MTHFD2L: variants seen among roughly 807,000 people sequenced by gnomAD.
MTHFD2L encodes the protein bifunctional methylenetetrahydrofolate dehydrogenase/cyclohydrolase 2, mitochondrial.
MTHFD2L carries 29 observed loss-of-function variants against 34.9 expected under a neutral mutation model. The observed-to-expected ratio is 0.83, with a 90% CI of 0.62 to 1.13. The LOEUF is 1.13. MTHFD2L is among the 50% of genes most tolerant of loss of function. MTHFD2L has a pLI of 0.00. For missense variants in MTHFD2L, 481 were observed against 446.5 expected, an observed-to-expected ratio of 1.08 and a Z score of -0.70; for synonymous variants, 167 against 155.7, an observed-to-expected ratio of 1.07 and a Z score of -0.54.
intron 7 of MTHFD2L, among the ~76,000 whole-genome samples, chr4:74,298,357 A>T (rs1475342247): frequency 6.6e-6 from 1 of 152,086 alleles, no homozygotes; most frequent in Non-Finnish European, 1.5e-5. Context: ...ATGAAAACTG[A>T]TAGGCAGGAC....
chr4:74,251,567 C>G (rs1378605292), intron 6 of MTHFD2L, among the ~76,000 whole-genome samples: 1 of 152,124 alleles, frequency 6.6e-6, no homozygotes, highest in African/African-American at 2.4e-5. Context: ...TTTTTTCACT[C>G]ATTCACCTGA....
At chr4:74,240,261 A>C (rs1252836790) in intron 6 of MTHFD2L, among the ~76,000 whole-genome samples, 1 of 152,228 alleles carries the variant, frequency 6.6e-6, no homozygotes, top group Non-Finnish European at 1.5e-5. Flanking sequence ...AAATTTCTAC[A>C]AATACAAATA....
At chr4:74,174,318 G>A (rs896704021) in intron 1 of MTHFD2L, among the ~76,000 whole-genome samples, 188 bp from the exon 2 acceptor site, 2 of 152,022 alleles carry the variant, frequency 1.3e-5, no homozygotes, top group Non-Finnish European at 2.9e-5. Context: ...AAATAACAGA[G>A]TTGGAATCCT....
chr4:74,245,022 G>A (rs931120235), intron 6 of MTHFD2L, among the ~76,000 whole-genome samples: 4 of 151,698 alleles, frequency 2.6e-5, no homozygotes, highest in African/African-American at 7.3e-5. Context: ...GTGAAACCCC[G>A]TCTCTACTAA....
chr4:74,123,700 G>A (rs1435108515), upstream of MTHFD2L, among the ~76,000 whole-genome samples: 1 of 151,844 alleles, frequency 6.6e-6, no homozygotes, highest in East Asian at 1.9e-4. Flanking sequence ...AAAATTTAGG[G>A]GATTTTTATG....
At chr4:74,195,530 G>T (rs1251266588) in intron 3 of MTHFD2L, 1 of 152,200 alleles carries the variant, frequency 6.6e-6, no homozygotes, top group East Asian at 1.9e-4. Context: ...GATGTTAGGT[G>T]TGAGAGAAAG....
intron 1 of MTHFD2L, among the ~76,000 whole-genome samples, chr4:74,126,924 C>T (rs1206039179): frequency 1.3e-5 from 2 of 151,952 alleles, no homozygotes; most frequent in African/African-American, 2.4e-5. Flanking sequence ...GGAAGGGACC[C>T]GGTGGGAGGT....
chr4:74,191,855 C>A (rs377625823), intron 3 of MTHFD2L, among the ~76,000 whole-genome samples: 1 of 152,164 alleles, frequency 6.6e-6, no homozygotes, highest in Non-Finnish European at 1.5e-5. Flanking sequence ...CCGTGCCTGA[C>A]CTCTTTGTAT....
At chr4:74,188,286 A>G (rs763360053) in intron 3 of MTHFD2L, among the ~76,000 whole-genome samples, 5 of 152,212 alleles carry the variant, frequency 3.3e-5, no homozygotes, top group East Asian at 3.8e-4. Context: ...AAAGTGTGCA[A>G]TCACGGTGCC....
intron 6 of MTHFD2L, among the ~76,000 whole-genome samples, chr4:74,246,989 C>A (rs77136600): frequency 0.95 from 142,118 of 150,268 alleles, 67,478 homozygotes; most frequent in Non-Finnish European, 0.99. Flanking sequence ...TATGAACTTT[C>A]AAGTAGTTTT....
chr4:74,192,128 A>AT (rs537180092), intron 3 of MTHFD2L, among the ~76,000 whole-genome samples: 217 of 152,218 alleles, frequency 1.4e-3, no homozygotes, highest in Middle Eastern at 3.4e-3. Context: ...GCGGTTAAAA[A>AT]ATATATATAA....
At chr4:74,249,444 G>C (rs550986929) in intron 6 of MTHFD2L, among the ~76,000 whole-genome samples, 1 of 152,138 alleles carries the variant, frequency 6.6e-6, no homozygotes, top group Admixed American at 6.5e-5. Context: ...CAATTTGCCA[G>C]TCTGTGTCTT....
At chr4:74,254,415 C>T (rs917731479) in intron 6 of MTHFD2L, among the ~76,000 whole-genome samples, 1 of 152,066 alleles carries the variant, frequency 6.6e-6, no homozygotes, top group Non-Finnish European at 1.5e-5. Flanking sequence ...ACAAGAGAAC[C>T]CGCATAAGAT....
chr4:74,118,640 C>T (rs565246394), upstream of MTHFD2L, among the ~76,000 whole-genome samples: 4 of 152,298 alleles, frequency 2.6e-5, no homozygotes, highest in South Asian at 8.3e-4. Context: ...GAGGAGAAGA[C>T]ACCAGAGATG....
In MTHFD2L at chr4:74,165,407, G is replaced by T. The variant is rs1726469213; in HGVS notation, c.143+7126G>T. ...AGAGTCTTTCTCTGTCACCCAGGCT[G>T]AGTGCAATGGTGTGATCTTGGCTCA... is the stretch of plus-strand genomic sequence containing the variant. On this transcript the variant is annotated intron_variant, in intron 1 of 7. Transcript: ENST00000325278. 2.0e-5 allele frequency among the ~76,000 whole-genome samples: 3 copies of T among 152,102 alleles called. No individual in the cohort carries two copies. In the South Asian group the frequency reaches 6.2e-4, roughly 32 times the overall value.
At chr4:74,175,527 A>C in intron 3 of MTHFD2L, 124 bp downstream of exon 3, 1 of 1,052,394 alleles carries the variant, frequency 9.5e-7, no homozygotes, top group Non-Finnish European at 1.4e-6. Flanking sequence ...TAGCTATTTT[A>C]CTAGTAATAG....
chr4:74,119,791 A>AG (rs1721720515), upstream of MTHFD2L, among the ~76,000 whole-genome samples: 2 of 152,112 alleles, frequency 1.3e-5, no homozygotes, highest in South Asian at 4.1e-4. Flanking sequence ...TCAAAAAAAA[A>AG]CAAAAAAAAC....
At chr4:74,152,955 G>A (rs1359775902) in intron 1 of MTHFD2L, among the ~76,000 whole-genome samples, 1 of 152,194 alleles carries the variant, frequency 6.6e-6, no homozygotes, top group Non-Finnish European at 1.5e-5. Flanking sequence ...GCCAAGCTAA[G>A]CTTCTTCAGC....
Position 74,158,293 on chromosome 4 carries a change from G to A in MTHFD2L, c.143+12G>A. 1 of 1,296,062 alleles carries A rather than the reference G, an allele frequency of 7.7e-7. No homozygotes were observed. Among genetic ancestry groups the A allele is most frequent in the Non-Finnish European group, 9.8e-7 (1 of 1,021,000 alleles). The allele number at this position is 1,296,062 out of a possible 1,614,324, so 80.3% of individuals were successfully genotyped here. On this transcript the variant is annotated intron_variant, in intron 1 of 7. Coordinates refer to ENST00000325278, the MANE Select transcript of MTHFD2L (RefSeq NM_001144978.3). ...AGCAGCGGTGTGAGGTACGAGGGCTGCGGGCGCCGGGTGCGGAGCCGCTGG... is the reference window on the plus strand; with the variant it reads ...AGCAGCGGTGTGAGGTACGAGGGCTACGGGCGCCGGGTGCGGAGCCGCTGG...
Sources: gnomAD v4.1 joint callset for allele counts (sites outside exome capture counted in the v4.1 genomes callset) on GRCh38, gnomAD v4.1.1 for gene constraint, MANE v1.5 for transcripts, NCBI Gene and HGNC (gene_info 2026-07-23, HGNC 2026-07-21) for gene names.